MAN2A1: variants seen among roughly 807,000 people sequenced by gnomAD.
The protein encoded by MAN2A1 is alpha-mannosidase 2.
In MAN2A1, 76 loss-of-function variants were observed where a neutral mutation model predicts 142.6. That is an observed-to-expected ratio of 0.53 (90% CI 0.44 to 0.65). The LOEUF (loss-of-function observed/expected upper bound fraction) is 0.65, where lower values mean the gene tolerates loss of function less well. MAN2A1 is among the 30% of genes least tolerant of loss of function. The probability of loss-of-function intolerance (pLI) is 0.00; values close to 1 mark genes in which losing one functional copy is unlikely to be tolerated. For missense variants in MAN2A1, 1,311 were observed against 1,365.1 expected (o/e 0.96, Z 0.62); for synonymous variants, 559 against 473.2 (o/e 1.18, Z -2.35).
chr5:109,841,469 A>G (rs1342454405), intron 16 of MAN2A1, among the ~76,000 whole-genome samples: 3 of 152,220 alleles, frequency 2.0e-5, no homozygotes, highest in African/African-American at 7.2e-5. Flanking sequence ...TGCAAATGCC[A>G]TTAATTCATT....
intron 4 of MAN2A1, among the ~76,000 whole-genome samples, chr5:109,734,463 A>G (rs1043394858): frequency 6.0e-4 from 92 of 152,134 alleles, no homozygotes; most frequent in African/African-American, 2.0e-3. Flanking sequence ...TTGTGATGTT[A>G]GGGTGTCAAT....
rs996432623 is a variant in MAN2A1, at chr5:109,753,991, CT to C, written c.708-1337del. ...TGGCGTAATCATAGCTCACTGCAGCCTCAAACTCACAGGCTCAAGCAATCCT... is the reference window on the plus strand; with the variant it reads ...TGGCGTAATCATAGCTCACTGCAGCCCAAACTCACAGGCTCAAGCAATCCT... On this transcript the variant is annotated intron_variant, in intron 4 of 21. Coordinates refer to ENST00000261483, the MANE Select transcript of MAN2A1 (RefSeq NM_002372.4). Among the ~76,000 whole-genome samples, 80 of 150,908 alleles carry C rather than the reference CT, an allele frequency of 5.3e-4. 1 individual carries two copies. The highest frequency in any genetic ancestry group is 1.7e-3 in the African/African-American group (71 of 40,722).
chr5:109,825,205 C>T (rs952378378), intron 16 of MAN2A1, among the ~76,000 whole-genome samples: 2 of 152,132 alleles, frequency 1.3e-5, no homozygotes, highest in African/African-American at 4.8e-5. Context: ...CCCCTGAGAG[C>T]TCTAAGTTAC....
chr5:109,729,436 G>A lies in MAN2A1; in HGVS notation c.630G>A (p.Lys210=), dbSNP rs751054276. 8.1e-6 allele frequency: 13 copies of A among 1,603,784 alleles called. No homozygotes were observed. In the Admixed American group the frequency reaches 1.5e-4, roughly 19 times the overall value. ...AGCTGAAAGAAGACTCACGGAGGAA[G>A]TTTATTTGGTCTGAGATCTCTTACC... is the stretch of plus-strand genomic sequence containing the variant. The part of the protein sequence containing the change: ...VLKLKEDSRR[K]FIWSEISYLS... Residue 210 remains lysine, a synonymous_variant, in exon 4 of 22, where the codon AAG becomes AAA. Coordinates refer to ENST00000261483, the MANE Select transcript of MAN2A1 (RefSeq NM_002372.4).
At chr5:109,842,246 A>G (rs1561539265) in intron 16 of MAN2A1, 82 bp from the exon 17 acceptor site, 1 of 811,068 alleles carries the variant, frequency 1.2e-6, no homozygotes, top group Non-Finnish European at 1.8e-6. Flanking sequence ...GTAACTTTGG[A>G]AAGAGTTCTG....
chr5:109,729,377 A>G lies in MAN2A1; in HGVS notation c.571A>G (p.Lys191Glu). The part of the protein sequence containing the change: ...LKTFNDYFRD[K>E]TQYIFNNMVL... ...GACTTTCAATGACTACTTTAGAGAC[A>G]AGACTCAGTATATTTTTAATAACAT... is the stretch of plus-strand genomic sequence containing the variant. Residue 191 changes from lysine to glutamate, a missense_variant, in exon 4 of 22, where the codon AAG becomes GAG. Around this residue, in one of 3 missense-constraint regions of MAN2A1, gnomAD observed 409 missense variants for 412.7 expected, o/e 0.99. Coordinates refer to ENST00000261483, the MANE Select transcript of MAN2A1 (RefSeq NM_002372.4). 1.9e-6 allele frequency: 3 copies of G among 1,605,086 alleles called. No homozygotes were observed. The highest frequency in any genetic ancestry group is 2.5e-6 in the Non-Finnish European group (3 of 1,176,796).
chr5:109,724,263 G>A (rs1165579719), intron 3 of MAN2A1, among the ~76,000 whole-genome samples: 1 of 152,012 alleles, frequency 6.6e-6, no homozygotes. Flanking sequence ...AAACACTGAG[G>A]ATTCTGAAAG....
At chr5:109,781,624 T>A in intron 9 of MAN2A1, 26 bp downstream of exon 9, 1 of 1,470,368 alleles carries the variant, frequency 6.8e-7, no homozygotes, top group South Asian at 1.3e-5. Flanking sequence ...TATAGCTACA[T>A]GTATTTTTTC....
At chr5:109,840,474 A>G (rs1455062986) in intron 16 of MAN2A1, 1 of 479,162 alleles carries the variant, frequency 2.1e-6, no homozygotes, top group Non-Finnish European at 4.2e-6. Context: ...AAGTCATCAA[A>G]CCGAGAATCC....
At chr5:109,865,698 G>C (rs1038159225) in intron 21 of MAN2A1, among the ~76,000 whole-genome samples, 21 of 152,198 alleles carry the variant, frequency 1.4e-4, no homozygotes, top group African/African-American at 5.1e-4. Context: ...GATTAATGCA[G>C]ATTTGCATAT....
chr5:109,863,429 T>G (rs1207987047), intron 20 of MAN2A1: 3 of 152,212 alleles, frequency 2.0e-5, no homozygotes, highest in Admixed American at 6.5e-5. Context: ...GCTAGTAAAT[T>G]GCAGAGCAAG....
chr5:109,729,461 C>G lies in MAN2A1; in HGVS notation c.655C>G (p.Leu219Val). ...RKFIWSEISY[L>V]SKWWDIIDIQ... ...GTTTATTTGGTCTGAGATCTCTTAC[C>G]TTTCAAAGTGGTGGGATATTATAGA... Residue 219 changes from leucine to valine, a missense_variant, in exon 4 of 22, where the codon CTT (leucine) becomes GTT (valine). Physicochemically the swap from Leu to Val is conservative, Grantham distance 32. Transcript: ENST00000261483. The G allele has an allele frequency of 6.3e-7, 1 of 1,595,472 alleles. No homozygotes were observed. The highest frequency in any genetic ancestry group is 8.5e-7 in the Non-Finnish European group (1 of 1,171,034).
At chr5:109,822,265 G>A (rs892352970) in intron 15 of MAN2A1, among the ~76,000 whole-genome samples, 1 of 150,662 alleles carries the variant, frequency 6.6e-6, no homozygotes, top group African/African-American at 2.4e-5. Context: ...AATATGAGCT[G>A]TTTCAGTGTT....
At position 109,774,771 on chromosome 5, in the gene MAN2A1, GT is replaced by G; in HGVS notation, c.1197-14del. ...AAATTCATATTTGCTGTTTTTTTGT[GT>G]TTGTTTTTTTTGTAGGGCTCGGATG... is the stretch of plus-strand genomic sequence containing the variant. On this transcript the variant is annotated splice_polypyrimidine_tract_variant and intron_variant, in intron 7 of 21. Coordinates refer to ENST00000261483, the MANE Select transcript of MAN2A1 (RefSeq NM_002372.4). 1 of 1,579,726 alleles carries G rather than the reference GT, an allele frequency of 6.3e-7. No individual in the cohort carries two copies. Among genetic ancestry groups the G allele is most frequent in the Admixed American group, 1.9e-5 (1 of 52,474 alleles).
At chr5:109,831,140 A>T (rs11241036) in intron 16 of MAN2A1, among the ~76,000 whole-genome samples, 26,004 of 152,202 alleles carry the variant, frequency 0.17, 3,211 homozygotes, top group East Asian at 0.64. Context: ...TGCACAGGTT[A>T]CTGCCAACCT....
intron 19 of MAN2A1, among the ~76,000 whole-genome samples, chr5:109,851,708 G>T (rs1417278851): frequency 6.6e-6 from 1 of 152,110 alleles, no homozygotes; most frequent in Non-Finnish European, 1.5e-5. Context: ...ACGGCTTTAG[G>T]ATTTGTTTCT....
At chr5:109,850,221 A>G (rs1254726658) in intron 19 of MAN2A1, among the ~76,000 whole-genome samples, 1 of 152,184 alleles carries the variant, frequency 6.6e-6, no homozygotes, top group African/African-American at 2.4e-5. Flanking sequence ...TGTCATATGA[A>G]TGAATATCGA....
intron 3 of MAN2A1, among the ~76,000 whole-genome samples, chr5:109,718,803 G>A (rs908238786): frequency 7.9e-5 from 12 of 152,052 alleles, no homozygotes; most frequent in Admixed American, 7.9e-4. Flanking sequence ...TGCTGTGTTG[G>A]GAATGCCTAG....
chr5:109,727,047 GTAGA>G (rs1271613642), intron 3 of MAN2A1, among the ~76,000 whole-genome samples: 12 of 152,126 alleles, frequency 7.9e-5, no homozygotes, highest in African/African-American at 2.9e-4. Flanking sequence ...CAATATGTAG[GTAGA>G]TATAGTATAT....
Sources: gnomAD v4.1 joint callset for allele counts (sites outside exome capture counted in the v4.1 genomes callset) on GRCh38, gnomAD v4.1.1 for gene constraint, gnomAD v4.1.1 regional missense constraint, MANE v1.5 for transcripts, NCBI Gene and HGNC (gene_info 2026-07-23, HGNC 2026-07-21) for gene names.